Variants in LINGO2 observed in about 807,000 individuals in gnomAD.
LINGO2 encodes leucine rich repeat and Ig domain containing 2, also known as leucine-rich repeat and immunoglobulin-like domain-containing nogo receptor-interacting protein 2.
In LINGO2, 14 loss-of-function variants were observed where a neutral mutation model predicts 30.6. The observed-to-expected ratio is 0.46, with a 90% CI of 0.30 to 0.72. The LOEUF (loss-of-function observed/expected upper bound fraction) is 0.72. Among genes scored for constraint, LINGO2 ranks in the 30% least tolerant of loss-of-function variants. LINGO2 has a pLI of 0.07. For missense variants in LINGO2, 729 were observed against 751.7 expected, an observed-to-expected ratio of 0.97 and a Z score of 0.35; for synonymous variants, 317 against 288.5, an observed-to-expected ratio of 1.10 and a Z score of -1.00.
chr9:28,865,864 C>T, the LINGO2 span, among the ~76,000 whole-genome samples: 2 of 152,104 alleles, frequency 1.3e-5, no homozygotes, highest in Non-Finnish European at 2.9e-5. Flanking sequence ...AATAACCATT[C>T]CAATCCAAAT....
the LINGO2 span, among the ~76,000 whole-genome samples, chr9:29,045,848 A>T: frequency 2.6e-5 from 4 of 152,074 alleles, no homozygotes; most frequent in African/African-American, 9.7e-5. Context: ...TCACTGTAGA[A>T]ATCTTTCACC....
chr9:28,895,203 G>A, the LINGO2 span, among the ~76,000 whole-genome samples: 9 of 151,892 alleles, frequency 5.9e-5, no homozygotes, highest in Non-Finnish European at 8.8e-5. Context: ...AAGCCAGTTT[G>A]AAAAAAACAG....
intron 4 of LINGO2, among the ~76,000 whole-genome samples, chr9:28,275,094 A>C (rs1823069460): frequency 6.6e-6 from 1 of 152,016 alleles, no homozygotes; most frequent in African/African-American, 2.4e-5. Flanking sequence ...TTTGGGACAG[A>C]GTCTCACTCT....
chr9:28,750,358 G>A, the LINGO2 span, among the ~76,000 whole-genome samples: 4 of 152,114 alleles, frequency 2.6e-5, no homozygotes, highest in Non-Finnish European at 4.4e-5. Context: ...CTCTCAGGGA[G>A]TCCTAAGCCA....
chr9:28,444,120 C>T (rs1824311755), intron 2 of LINGO2, among the ~76,000 whole-genome samples: 1 of 152,170 alleles, frequency 6.6e-6, no homozygotes, highest in Non-Finnish European at 1.5e-5. Flanking sequence ...CTGCCATGCT[C>T]ACCCTCCAGT....
chr9:28,536,178 T>A (rs962389472), intron 1 of LINGO2, among the ~76,000 whole-genome samples: 2 of 152,130 alleles, frequency 1.3e-5, no homozygotes, highest in Non-Finnish European at 2.9e-5. Flanking sequence ...AATAAAATAT[T>A]TTTAACTCTG....
the LINGO2 span, among the ~76,000 whole-genome samples, chr9:28,854,798 T>C: frequency 6.6e-6 from 1 of 151,954 alleles, no homozygotes; most frequent in South Asian, 2.1e-4. Context: ...CAAAAAGAAC[T>C]GTTAGCTGCC....
At chr9:27,970,276 A>T (rs1312886483) in intron 5 of LINGO2, among the ~76,000 whole-genome samples, 1 of 151,648 alleles carries the variant, frequency 6.6e-6, no homozygotes, top group Non-Finnish European at 1.5e-5. Flanking sequence ...GGACATGTAG[A>T]CCCTCCCTCT....
At chr9:28,486,829 C>T (rs1447879363) in intron 1 of LINGO2, among the ~76,000 whole-genome samples, 1 of 152,084 alleles carries the variant, frequency 6.6e-6, no homozygotes, top group Non-Finnish European at 1.5e-5. Context: ...AACTCACAAT[C>T]TATGACTAGA....
chr9:28,489,870 C>A (rs1362963750), intron 1 of LINGO2, among the ~76,000 whole-genome samples: 3 of 137,954 alleles, frequency 2.2e-5, no homozygotes, highest in African/African-American at 8.4e-5. Flanking sequence ...TGCACTCCAG[C>A]CTGGAAACAG....
intron 4 of LINGO2, among the ~76,000 whole-genome samples, chr9:28,194,558 TC>T (rs976647102): frequency 1.3e-5 from 1 of 74,590 alleles, no homozygotes; most frequent in Non-Finnish European, 2.8e-5. Flanking sequence ...AAACTCTCTA[TC>T]CTAAAAAAAA....
At position 28,336,258 on chromosome 9, in the gene LINGO2, A is replaced by G. The variant is rs779124185; in HGVS notation, c.-246+36578T>C. 1.5e-4 allele frequency among the ~76,000 whole-genome samples: 23 copies of G among 152,000 alleles called. 1 individual carries two copies. The highest frequency in any genetic ancestry group is 3.2e-3 in the Middle Eastern group (1 of 312). ...GTTTAAGACTTTTGCTTATTTTCCAATTGGATTATATGTTTTGTTAATGTT... is the reference window on the plus strand; with the variant it reads ...GTTTAAGACTTTTGCTTATTTTCCAGTTGGATTATATGTTTTGTTAATGTT... On this transcript the variant is annotated intron_variant, in intron 3 of 5. Coordinates refer to ENST00000379992, the Ensembl canonical transcript of LINGO2.
chr9:28,966,713 G>A, the LINGO2 span, among the ~76,000 whole-genome samples: 9 of 151,894 alleles, frequency 5.9e-5, no homozygotes, highest in Non-Finnish European at 1.3e-4. Flanking sequence ...AGACCACATC[G>A]CCTCCCATGA....
chr9:28,875,926 C>G, the LINGO2 span, among the ~76,000 whole-genome samples: 1 of 152,082 alleles, frequency 6.6e-6, no homozygotes, highest in East Asian at 1.9e-4. Flanking sequence ...TAAAGCCATT[C>G]ACATTTCATT....
At chr9:28,384,329 C>CTA (rs3064858) in intron 2 of LINGO2, among the ~76,000 whole-genome samples, 28,386 of 123,174 alleles carry the variant, frequency 0.23, 3,557 homozygotes, top group Middle Eastern at 0.39. Flanking sequence ...ATGTTATGCA[C>CTA]TATATATATA....
chr9:29,110,776 C>T, the LINGO2 span, among the ~76,000 whole-genome samples: 1 of 151,848 alleles, frequency 6.6e-6, no homozygotes, highest in Non-Finnish European at 1.5e-5. Flanking sequence ...CTGCAAGCTC[C>T]GCCTCCCGGG....
intron 4 of LINGO2, among the ~76,000 whole-genome samples, chr9:28,049,413 T>C (rs1408851291): frequency 6.6e-6 from 1 of 150,486 alleles, no homozygotes; most frequent in East Asian, 2.0e-4. Flanking sequence ...ATAAAACATA[T>C]TAGATCTTAT....
chr9:28,313,010 A>G (rs1824692268), intron 3 of LINGO2, among the ~76,000 whole-genome samples: 1 of 152,204 alleles, frequency 6.6e-6, no homozygotes, highest in African/African-American at 2.4e-5. Context: ...CTTTCATACA[A>G]AGATTAATAG....
chr9:28,419,534 G>A (rs1044926983), intron 2 of LINGO2, among the ~76,000 whole-genome samples: 2 of 151,236 alleles, frequency 1.3e-5, no homozygotes, highest in African/African-American at 4.9e-5. Flanking sequence ...ACATAGAAAC[G>A]GAAGAAGAAC....
Sources: allele counts gnomAD v4.1 joint callset (sites outside exome capture counted in the v4.1 genomes callset), GRCh38; gene constraint gnomAD v4.1.1; transcripts MANE v1.5; gene names NCBI Gene and HGNC (gene_info 2026-07-23, HGNC 2026-07-21).